The following DHDDS variants were observed in gnomAD, a reference collection of about 807,000 sequenced individuals.
DHDDS encodes dehydrodolichyl diphosphate synthase complex subunit DHDDS.
DHDDS carries 16 observed loss-of-function variants against 46.2 expected under a neutral mutation model. The ratio of observed to expected loss-of-function variants is 0.35; its 90% CI spans 0.23 to 0.53. DHDDS has a LOEUF of 0.53. Among genes scored for constraint, DHDDS ranks in the 20% least tolerant of loss-of-function variants. The pLI, the probability that DHDDS is intolerant of heterozygous loss-of-function variation, is 0.94. For missense variants in DHDDS, 340 were observed against 423.7 expected (o/e 0.80, Z 1.73); for synonymous variants, 151 against 163.1 (o/e 0.93, Z 0.56).
At chr1:26,467,557 C>A in intron 8 of DHDDS, 1 of 319,912 alleles carries the variant, frequency 3.1e-6, no homozygotes. Flanking sequence ...CTGTCTCCAG[C>A]AGAAAGTACC....
chr1:26,448,256 C>T (rs2075288793), intron 6 of DHDDS: 1 of 151,548 alleles, frequency 6.6e-6, no homozygotes, highest in African/African-American at 2.5e-5. Flanking sequence ...GAGTTGCAAC[C>T]TCCACCTCCC....
chr1:26,456,442 G>C (rs1040587544), intron 6 of DHDDS, among the ~76,000 whole-genome samples: 3 of 152,144 alleles, frequency 2.0e-5, no homozygotes, highest in South Asian at 4.1e-4. Flanking sequence ...ACTCAGGCTG[G>C]AGTTCAGTGG....
At chr1:26,451,019 C>A (rs539443094) in intron 6 of DHDDS, among the ~76,000 whole-genome samples, 26 of 152,352 alleles carry the variant, frequency 1.7e-4, no homozygotes, top group African/African-American at 2.9e-4. Flanking sequence ...GCTTTACCCT[C>A]ATACCACATT....
intron 6 of DHDDS, 118 bp from the exon 7 acceptor site, chr1:26,457,673 T>C: frequency 1.3e-6 from 1 of 771,778 alleles, no homozygotes; most frequent in South Asian, 1.4e-5. Flanking sequence ...TTGGCTAGTG[T>C]ATTTGATGGT....
At chr1:26,458,468 T>G (rs767330924) in intron 7 of DHDDS, among the ~76,000 whole-genome samples, 15 of 152,178 alleles carry the variant, frequency 9.9e-5, no homozygotes, top group Non-Finnish European at 1.5e-4. Context: ...CAGGGCGTGG[T>G]GGCTCACGCC....
chr1:26,433,011 G>A lies in DHDDS; in HGVS notation c.63+3G>A, dbSNP rs1328742493. 9 of 1,614,084 alleles carry A rather than the reference G, an allele frequency of 5.6e-6. No homozygotes were observed. The highest frequency in any genetic ancestry group is 7.6e-6 in the Non-Finnish European group (9 of 1,180,048). On this transcript the variant is annotated splice_donor_region_variant and intron_variant, in intron 2 of 8. Coordinates refer to ENST00000236342, the MANE Select transcript of DHDDS (RefSeq NM_205861.3). ...GGTTCTGTGCCAACATCATAAAGGT[G>A]AGCAATGGCCCAGAGCACCGGTTGG... is the stretch of plus-strand genomic sequence containing the variant.
At chr1:26,464,037 C>T (rs1347853334) in intron 8 of DHDDS, among the ~76,000 whole-genome samples, 1 of 121,520 alleles carries the variant, frequency 8.2e-6, no homozygotes, top group African/African-American at 3.2e-5. Context: ...CTCACTCTGT[C>T]GCTGGAGAAC....
At chr1:26,460,255 T>C (rs1211998321) in intron 8 of DHDDS, 111 bp downstream of exon 8, 46 of 883,410 alleles carry the variant, frequency 5.2e-5, no homozygotes, top group Middle Eastern at 2.2e-4. Flanking sequence ...ATGATGATAA[T>C]GATGATAGTA....
At chr1:26,434,950 C>T (rs776883915) in intron 2 of DHDDS, among the ~76,000 whole-genome samples, 21 of 151,368 alleles carry the variant, frequency 1.4e-4, no homozygotes, top group Non-Finnish European at 2.7e-4. Context: ...CTTGAGCCAC[C>T]ACGTCCGGCC....
intron 6 of DHDDS, among the ~76,000 whole-genome samples, chr1:26,451,215 C>CA (rs953966988): frequency 6.6e-6 from 1 of 152,148 alleles, no homozygotes; most frequent in African/African-American, 2.4e-5. Flanking sequence ...TTGGTGTGCT[C>CA]AGACTGGGCT....
chr1:26,447,250 G>A (rs2075277454), intron 5 of DHDDS, among the ~76,000 whole-genome samples: 1 of 152,118 alleles, frequency 6.6e-6, no homozygotes, highest in Non-Finnish European at 1.5e-5. Context: ...AACCCAGGAG[G>A]CAGAGGTTGC....
chr1:26,434,032 C>T (rs2075129583), intron 2 of DHDDS, among the ~76,000 whole-genome samples: 2 of 152,248 alleles, frequency 1.3e-5, no homozygotes, highest in Admixed American at 1.3e-4. Flanking sequence ...CTGCACCTGG[C>T]CTGAAAGTCC....
intron 3 of DHDDS, among the ~76,000 whole-genome samples, chr1:26,439,879 G>A (rs1477980663): frequency 4.6e-5 from 7 of 152,164 alleles, no homozygotes; most frequent in East Asian, 1.9e-4. Context: ...GGTGGCTTAC[G>A]CCTGTAATCC....
chr1:26,451,901 C>A (rs755747765), intron 6 of DHDDS, among the ~76,000 whole-genome samples: 2 of 151,310 alleles, frequency 1.3e-5, no homozygotes, highest in Non-Finnish European at 3.0e-5. Context: ...GTGCTGGGAT[C>A]ACACCCGGCT....
At chr1:26,455,746 C>CA (rs891464179) in intron 6 of DHDDS, among the ~76,000 whole-genome samples, 4 of 151,184 alleles carry the variant, frequency 2.6e-5, no homozygotes, top group Non-Finnish European at 5.9e-5. Context: ...ACTCCATCTC[C>CA]AAAAAAAAGA....
At chr1:26,458,752 A>AG (rs1207226270) in intron 7 of DHDDS, among the ~76,000 whole-genome samples, 15 of 151,798 alleles carry the variant, frequency 9.9e-5, no homozygotes, top group South Asian at 6.2e-4. Flanking sequence ...AAAAAAAAAA[A>AG]AAAAGAAAAG....
At chr1:26,437,475 CTT>C (rs1274583292) in intron 2 of DHDDS, among the ~76,000 whole-genome samples, 9 of 144,384 alleles carry the variant, frequency 6.2e-5, no homozygotes, top group Non-Finnish European at 3.1e-5. Context: ...AACACACCAT[CTT>C]TTTTTTTTTT....
At chr1:26,443,748 A>G (rs571783369) in intron 4 of DHDDS, among the ~76,000 whole-genome samples, 1 of 152,246 alleles carries the variant, frequency 6.6e-6, no homozygotes, top group Admixed American at 6.5e-5. Context: ...GGCTACAGAC[A>G]TTGCTCCCCG....
At chr1:26,458,692 C>T (rs1489196023) in intron 7 of DHDDS, among the ~76,000 whole-genome samples, 1 of 143,792 alleles carries the variant, frequency 7.0e-6, no homozygotes, top group Non-Finnish European at 1.5e-5. Context: ...GAGGCGAGAT[C>T]GTGCCACTGC....
Sources: allele counts gnomAD v4.1 joint callset (sites outside exome capture counted in the v4.1 genomes callset), GRCh38; gene constraint gnomAD v4.1.1; transcripts MANE v1.5; gene names NCBI Gene and HGNC (gene_info 2026-07-23, HGNC 2026-07-21).